SPATA9: variants seen among roughly 807,000 people sequenced by gnomAD.
The protein encoded by SPATA9 is spermatogenesis-associated protein 9.
SPATA9 carries 27 observed loss-of-function variants against 25.5 expected under a neutral mutation model. The ratio of observed to expected loss-of-function variants is 1.06; its 90% CI spans 0.78 to 1.46. The LOEUF is 1.46. Ranked by LOEUF, SPATA9 falls within the 40% of genes most tolerant of loss-of-function variation. SPATA9 has a pLI of 0.00. For missense variants in SPATA9, 282 were observed against 297.5 expected (o/e 0.95, Z 0.38); for synonymous variants, 102 against 105.7 (o/e 0.97, Z 0.21).
upstream of SPATA9, chr5:95,684,809 T>C (rs1017036854): frequency 1.3e-5 from 2 of 152,234 alleles, no homozygotes; most frequent in Non-Finnish European, 2.9e-5. Flanking sequence ...TAATTCTTCA[T>C]TATGTTATTC....
chr5:95,656,900 T>C (rs1750795583), downstream of SPATA9: 1 of 152,152 alleles, frequency 6.6e-6, no homozygotes, highest in Admixed American at 6.5e-5. Flanking sequence ...TGTGCAACCT[T>C]CCTAAATAAC....
intron 4 of SPATA9, among the ~76,000 whole-genome samples, chr5:95,663,234 C>T (rs1751441365): frequency 6.6e-6 from 1 of 152,118 alleles, no homozygotes; most frequent in South Asian, 2.1e-4. Context: ...GATCTTAAAA[C>T]AGTGTTGGGC....
the SPATA9 span, among the ~76,000 whole-genome samples, chr5:95,713,915 CAT>C: frequency 2.6e-5 from 4 of 151,226 alleles, no homozygotes; most frequent in Admixed American, 6.6e-5. Flanking sequence ...TACACATGTG[CAT>C]ATATATATAT....
At chr5:95,705,720 TA>T in the SPATA9 span, among the ~76,000 whole-genome samples, 1 of 152,238 alleles carries the variant, frequency 6.6e-6, no homozygotes, top group African/African-American at 2.4e-5. Context: ...CCCAGTTTTT[TA>T]CTTCAATATG....
intron 1 of SPATA9, among the ~76,000 whole-genome samples, chr5:95,697,566 C>T (rs762852169): frequency 1.6e-4 from 24 of 152,272 alleles, no homozygotes; most frequent in Middle Eastern, 3.4e-3. Flanking sequence ...ACAATCAACT[C>T]CACAATCAAG....
At chr5:95,722,306 G>T in the SPATA9 span, among the ~76,000 whole-genome samples, 4 of 152,088 alleles carry the variant, frequency 2.6e-5, no homozygotes, top group Non-Finnish European at 4.4e-5. Context: ...ATTAGAGTTT[G>T]TTGGAAAGAA....
At position 95,658,392 on chromosome 5, in the gene SPATA9, G is replaced by A. The variant is rs1750913833; in HGVS notation, c.*231C>T. 2 of 353,744 alleles carry A rather than the reference G, an allele frequency of 5.7e-6. No individual in the cohort carries two copies. The highest frequency in any genetic ancestry group is 1.5e-4 in the South Asian group (2 of 13,108). The allele number at this position is 353,744 out of a possible 1,614,324, so 21.9% of individuals were successfully genotyped here. ...GTAAAGTCTAACCTACCAGAGGATGGATTTTCTTGTTCATTAAAAGTATGT... is the reference window on the plus strand; with the variant it reads ...GTAAAGTCTAACCTACCAGAGGATGAATTTTCTTGTTCATTAAAAGTATGT... On this transcript the variant is annotated 3_prime_UTR_variant, in exon 5 of 5. Coordinates refer to ENST00000274432, the MANE Select transcript of SPATA9 (RefSeq NM_031952.4).
intron 2 of SPATA9, among the ~76,000 whole-genome samples, chr5:95,679,735 G>A (rs960099578): frequency 3.3e-5 from 5 of 152,136 alleles, no homozygotes; most frequent in Non-Finnish European, 7.3e-5. Flanking sequence ...TTCCCCCAGG[G>A]CTATTATCTT....
the SPATA9 span, among the ~76,000 whole-genome samples, chr5:95,705,509 G>C: frequency 1.3e-5 from 2 of 151,942 alleles, no homozygotes; most frequent in Non-Finnish European, 2.9e-5. Context: ...AACTTTTTCA[G>C]TTTTATGTAC....
Position 95,682,714 on chromosome 5 carries a change from G to A in SPATA9, c.61+80C>T, listed in dbSNP as rs192976629. 194 of 1,500,076 alleles carry A rather than the reference G, an allele frequency of 1.3e-4. 1 individual carries two copies. Among genetic ancestry groups the A allele is most frequent in the Middle Eastern group, 1.2e-3 (7 of 5,706 alleles). 92.9% of individuals were successfully genotyped at this position (1,500,076 alleles called of 1,614,324 possible). ...ACTTGATCAAATTCCTAGATGACTCGGAAAGTAAAGGAACTCTAGGGGATC... is the reference window on the plus strand; with the variant it reads ...ACTTGATCAAATTCCTAGATGACTCAGAAAGTAAAGGAACTCTAGGGGATC... On this transcript the variant is annotated intron_variant, in intron 1 of 4. Transcript: ENST00000274432.
At chr5:95,657,642 ACT>A (rs1365630197), downstream of SPATA9, 1 of 151,908 alleles carries the variant, frequency 6.6e-6, no homozygotes, top group African/African-American at 2.4e-5. Context: ...TATAGTAAAG[ACT>A]CTGCTTACTT....
chr5:95,729,588 C>T, the SPATA9 span, among the ~76,000 whole-genome samples: 17 of 152,196 alleles, frequency 1.1e-4, no homozygotes, highest in South Asian at 2.1e-4. Flanking sequence ...CAGTATAGTA[C>T]GAACTATATA....
At chr5:95,725,048 CAT>C in the SPATA9 span, among the ~76,000 whole-genome samples, 1 of 152,026 alleles carries the variant, frequency 6.6e-6, no homozygotes, top group Non-Finnish European at 1.5e-5. Flanking sequence ...TGGACATACA[CAT>C]GCCATGTGAC....
At chr5:95,701,574 A>C (rs1754180373), upstream of SPATA9, among the ~76,000 whole-genome samples, 1 of 152,018 alleles carries the variant, frequency 6.6e-6, no homozygotes, top group Non-Finnish European at 1.5e-5. Flanking sequence ...TTGGCTAGAC[A>C]AAGAGAAAGC....
chr5:95,692,466 C>G (rs1222715827), intron 1 of SPATA9, among the ~76,000 whole-genome samples: 3 of 152,040 alleles, frequency 2.0e-5, no homozygotes, highest in Non-Finnish European at 4.4e-5. Context: ...TATGTTGCCA[C>G]AGAACTGCAT....
rs994521011 is a variant in SPATA9 at position 95,692,505 on chromosome 5, A to G, written n.124+6083T>C. Among the ~76,000 whole-genome samples the G allele has an allele frequency of 2.0e-5, 3 of 151,978 alleles. No homozygotes were observed. In the East Asian group the frequency reaches 5.8e-4, roughly 29 times the overall value. ...ATTTTTAGTCTTCTGGATCTATATT[A>G]TTTCTAATCTTGTATATTTTTTCCT... On this transcript the variant is annotated intron_variant and non_coding_transcript_variant, in intron 1 of 2. Transcript: ENST00000379990.
intron 2 of SPATA9, among the ~76,000 whole-genome samples, chr5:95,678,369 T>G (rs1253062078): frequency 6.6e-6 from 1 of 152,040 alleles, no homozygotes; most frequent in East Asian, 1.9e-4. Context: ...AGAGCGAGAC[T>G]CCATCTCAAA....
chr5:95,659,009 T>A, intron 4 of SPATA9, 96 bp from the exon 5 acceptor site: 1 of 1,415,280 alleles, frequency 7.1e-7, no homozygotes, highest in Non-Finnish European at 9.5e-7. Context: ...TAAAGTCATT[T>A]AATCTACATA....
chr5:95,718,057 A>C, the SPATA9 span, among the ~76,000 whole-genome samples: 1 of 152,256 alleles, frequency 6.6e-6, no homozygotes, highest in Non-Finnish European at 1.5e-5. Flanking sequence ...GTAGCATTTA[A>C]AACCAGTTAG....
Sources: allele counts gnomAD v4.1 joint callset (sites outside exome capture counted in the v4.1 genomes callset), GRCh38; gene constraint gnomAD v4.1.1; transcripts MANE v1.5; gene names NCBI Gene and HGNC (gene_info 2026-07-23, HGNC 2026-07-21).